Variants in SENP5 observed in about 807,000 individuals in gnomAD.
SENP5 encodes the protein SUMO specific peptidase 5.
A neutral mutation model predicts 74.2 loss-of-function variants in SENP5; 21 were observed. That is an observed-to-expected ratio of 0.28 (90% confidence interval 0.20 to 0.41). SENP5 has a LOEUF of 0.41. SENP5 is among the 10% of genes least tolerant of loss of function. The pLI, the probability that SENP5 is intolerant of heterozygous loss-of-function variation, is 1.00. For synonymous variants in SENP5, 311 were observed against 312.7 expected, an observed-to-expected ratio of 0.99 and a Z score of 0.06; for missense variants, 717 against 889.1, an observed-to-expected ratio of 0.81 and a Z score of 2.46.
At chr3:196,919,624 T>A (rs1413377195) in intron 6 of SENP5, among the ~76,000 whole-genome samples, 1 of 152,106 alleles carries the variant, frequency 6.6e-6, no homozygotes, top group Non-Finnish European at 1.5e-5. Flanking sequence ...AGAAACCCCG[T>A]GTCTACTAAA....
chr3:196,914,651 T>C (rs1396185608), intron 6 of SENP5: 2 of 139,948 alleles, frequency 1.4e-5, no homozygotes, highest in East Asian at 2.0e-4. Context: ...GGAGGGGTTT[T>C]ATAAGAATTG....
intron 6 of SENP5, among the ~76,000 whole-genome samples, chr3:196,920,670 A>G (rs888690004): frequency 2.0e-5 from 3 of 152,016 alleles, no homozygotes; most frequent in African/African-American, 4.8e-5. Flanking sequence ...TATTATTCCT[A>G]TTTTCCTGAG....
At chr3:196,907,488 T>C in intron 6 of SENP5, among the ~76,000 whole-genome samples, 1 of 151,416 alleles carries the variant, frequency 6.6e-6, no homozygotes, top group Non-Finnish European at 1.5e-5. Flanking sequence ...AAGATGCTTA[T>C]ATTCCATTTG....
chr3:196,931,940 T>C lies in SENP5; in HGVS notation c.*1017T>C, dbSNP rs1168168553. On this transcript the variant is annotated 3_prime_UTR_variant, in exon 10 of 10. Coordinates refer to ENST00000323460, the MANE Select transcript of SENP5 (RefSeq NM_152699.5). ...TGGCTGGAGAGAAGAGGGAAGGTAA[T>C]AGAGACAACTTAGTCCCATGGGAGC... 13 of 454,458 alleles carry C rather than the reference T, an allele frequency of 2.9e-5. No homozygotes were observed. Among genetic ancestry groups the C allele is most frequent in the Non-Finnish European group, 5.3e-5 (12 of 226,266 alleles). The allele number at this position is 454,458 out of a possible 1,614,324, so 28.2% of individuals were successfully genotyped here.
chr3:196,894,571 A>G (rs1211589658), intron 2 of SENP5, among the ~76,000 whole-genome samples: 1 of 151,300 alleles, frequency 6.6e-6, no homozygotes, highest in Admixed American at 6.6e-5. Flanking sequence ...TGGGTCTGGG[A>G]ACCAATGAAA....
At chr3:196,905,657 A>T (rs553354817) in intron 6 of SENP5, among the ~76,000 whole-genome samples, 1 of 152,190 alleles carries the variant, frequency 6.6e-6, no homozygotes, top group Non-Finnish European at 1.5e-5. Flanking sequence ...GGGCACAGGG[A>T]TTCTCTAGGA....
intron 1 of SENP5, among the ~76,000 whole-genome samples, chr3:196,873,740 T>G (rs1384342202): frequency 6.6e-6 from 1 of 152,084 alleles, no homozygotes; most frequent in Admixed American, 6.5e-5. Context: ...CTCGGGAGGC[T>G]GAGGCAGGAG....
chr3:196,926,243 GGAGGCT>G (rs1405283744), intron 7 of SENP5, among the ~76,000 whole-genome samples: 1 of 152,146 alleles, frequency 6.6e-6, no homozygotes, highest in African/African-American at 2.4e-5. Flanking sequence ...CAGCACTTTG[GGAGGCT>G]GAGGCGGGCG....
At chr3:196,868,580 C>A (rs1455567369) in intron 1 of SENP5, among the ~76,000 whole-genome samples, 2 of 152,192 alleles carry the variant, frequency 1.3e-5, no homozygotes, top group African/African-American at 2.4e-5. Flanking sequence ...CTCCGCTCTA[C>A]GCCCTGTGGC....
At chr3:196,915,321 G>A (rs993117532) in intron 6 of SENP5, among the ~76,000 whole-genome samples, 2 of 152,138 alleles carry the variant, frequency 1.3e-5, no homozygotes, top group African/African-American at 4.8e-5. Flanking sequence ...TTTCCATTTG[G>A]GGAACGGAGA....
chr3:196,914,586 A>ATATATAT (rs1553825368), intron 6 of SENP5: 4 of 33,502 alleles, frequency 1.2e-4, no homozygotes, highest in African/African-American at 3.6e-4. Flanking sequence ...AAAAAAAAAA[A>ATATATAT]ATATATATAT....
chr3:196,880,253 A>C (rs991619363), intron 1 of SENP5, among the ~76,000 whole-genome samples: 1 of 151,524 alleles, frequency 6.6e-6, no homozygotes, highest in Non-Finnish European at 1.5e-5. Context: ...ACCTTACTTC[A>C]GTTTTTTTAA....
intron 1 of SENP5, among the ~76,000 whole-genome samples, chr3:196,870,419 C>T (rs997356123): frequency 2.0e-5 from 3 of 152,134 alleles, no homozygotes; most frequent in Non-Finnish European, 4.4e-5. Flanking sequence ...GCAATTCCTA[C>T]TCTATTATTA....
At chr3:196,911,056 A>G (rs1354257922) in intron 6 of SENP5, among the ~76,000 whole-genome samples, 2 of 152,194 alleles carry the variant, frequency 1.3e-5, no homozygotes, top group African/African-American at 4.8e-5. Flanking sequence ...TACACCTTAT[A>G]CAAAAATTAA....
At position 196,930,827 on chromosome 3, in the gene SENP5, C is replaced by T. The variant is rs1211109077; in HGVS notation, c.2172C>T (p.Leu724=). 7.4e-6 allele frequency: 12 copies of T among 1,613,110 alleles called. No homozygotes were observed. The highest frequency in any genetic ancestry group is 2.2e-5 in the East Asian group (1 of 44,880). Residue 724 remains leucine (L), a synonymous_variant, in exon 10 of 10, where the codon CTC becomes CTT. Transcript: ENST00000323460. ...GVFVLQYCKC[L]ALEQPFQFSQ... ...TTTTTTTGCAGTACTGCAAGTGCCT[C>T]GCCTTAGAGCAGCCTTTCCAGTTTT...
intron 6 of SENP5, among the ~76,000 whole-genome samples, chr3:196,907,183 T>C (rs1275991643): frequency 6.6e-6 from 1 of 151,808 alleles, no homozygotes; most frequent in East Asian, 1.9e-4. Context: ...GTGTAGATAA[T>C]GAACGATGGG....
intron 7 of SENP5, among the ~76,000 whole-genome samples, chr3:196,926,221 C>T (rs1488181601): frequency 2.0e-5 from 3 of 152,168 alleles, no homozygotes; most frequent in African/African-American, 7.2e-5. Flanking sequence ...GGGTGGCTCA[C>T]GCCTGTGATC....
chr3:196,930,209 G>A (rs1309595360), intron 9 of SENP5, among the ~76,000 whole-genome samples: 2 of 152,090 alleles, frequency 1.3e-5, no homozygotes, highest in African/African-American at 4.8e-5. Context: ...TTGGAAGACC[G>A]GTTCGTTTGT....
intron 2 of SENP5, among the ~76,000 whole-genome samples, chr3:196,891,439 G>A (rs572655460): frequency 6.6e-6 from 1 of 152,228 alleles, no homozygotes; most frequent in Admixed American, 6.5e-5. Flanking sequence ...ATTTTGTGGT[G>A]TGTGAATCAC....
Sources: allele counts gnomAD v4.1 joint callset (sites outside exome capture counted in the v4.1 genomes callset), GRCh38; gene constraint gnomAD v4.1.1; transcripts MANE v1.5; gene names NCBI Gene and HGNC (gene_info 2026-07-23, HGNC 2026-07-21).